Variants in FOXN3 observed in about 807,000 individuals in gnomAD.
The protein encoded by FOXN3 is forkhead box protein N3.
A neutral mutation model predicts 38.4 loss-of-function variants in FOXN3; 7 were observed. That is an observed-to-expected ratio of 0.18 (90% CI 0.10 to 0.34). FOXN3 has a LOEUF of 0.34. Among genes scored for constraint, FOXN3 ranks in the 10% least tolerant of loss-of-function variants. The pLI, the probability that FOXN3 is intolerant of heterozygous loss-of-function variation, is 1.00. For missense variants in FOXN3, 456 were observed against 613.4 expected (o/e 0.74, Z 2.71); for synonymous variants, 230 against 242.2 (o/e 0.95, Z 0.47).
chr14:89,601,601 G>A (rs1001254383), intron 1 of FOXN3, among the ~76,000 whole-genome samples: 8 of 152,154 alleles, frequency 5.3e-5, no homozygotes, highest in African/African-American at 1.9e-4. Context: ...CAATAACCTA[G>A]GGTCTGTTTC....
rs150771148 is a variant in FOXN3, at chr14:89,156,594, G to A, written c.*5820C>T. On this transcript the variant is annotated 3_prime_UTR_variant, in exon 6 of 6. Coordinates refer to ENST00000557258, the MANE Select transcript of FOXN3 (RefSeq NM_005197.4). ...GCCAGCCAAGGTCAGACGACCCTAA[G>A]CATCAATAGTAAACCTCTTGGTCTT... is the stretch of plus-strand genomic sequence containing the variant. 3.0e-3 allele frequency: 447 copies of A among 151,148 alleles called. 1 individual carries two copies. The highest frequency in any genetic ancestry group is 0.01 in the African/African-American group (429 of 41,214). The allele number at this position is 151,148 out of a possible 1,614,324, so 9.4% of individuals were successfully genotyped here.
At chr14:89,352,636 A>G (rs1889025567) in intron 2 of FOXN3, among the ~76,000 whole-genome samples, 1 of 152,226 alleles carries the variant, frequency 6.6e-6, no homozygotes, top group African/African-American at 2.4e-5. Flanking sequence ...CATGGCTGAC[A>G]TGTGACCCAA....
intron 4 of FOXN3, among the ~76,000 whole-genome samples, chr14:89,280,159 C>T (rs935920982): frequency 6.6e-6 from 1 of 152,240 alleles, no homozygotes; most frequent in Non-Finnish European, 1.5e-5. Context: ...CCCCGGGAAC[C>T]ACTCAATTCC....
intron 1 of FOXN3, among the ~76,000 whole-genome samples, chr14:89,423,033 A>G (rs777898882): frequency 6.6e-6 from 1 of 152,250 alleles, no homozygotes; most frequent in Non-Finnish European, 1.5e-5. Flanking sequence ...AATTCCGTCA[A>G]CAAGTAAGCA....
intron 4 of FOXN3, among the ~76,000 whole-genome samples, chr14:89,217,378 A>G (rs908804316): frequency 6.6e-6 from 1 of 152,058 alleles, no homozygotes; most frequent in African/African-American, 2.4e-5. Context: ...GGCTCAAGCA[A>G]TCCTTACTGT....
intron 2 of FOXN3, among the ~76,000 whole-genome samples, chr14:89,371,595 C>T (rs963048853): frequency 2.6e-5 from 4 of 151,986 alleles, no homozygotes; most frequent in Non-Finnish European, 5.9e-5. Flanking sequence ...ATATATTCCA[C>T]CTGCCCCGCA....
intron 1 of FOXN3, among the ~76,000 whole-genome samples, chr14:89,535,439 C>T (rs1422532989): frequency 6.6e-6 from 1 of 152,276 alleles, no homozygotes; most frequent in Non-Finnish European, 1.5e-5. Context: ...AATTATTATT[C>T]TTGAGCTTCC....
chr14:89,435,754 C>T (rs1892261994), intron 1 of FOXN3, among the ~76,000 whole-genome samples: 1 of 152,188 alleles, frequency 6.6e-6, no homozygotes, highest in South Asian at 2.1e-4. Context: ...ACTCTGGCTT[C>T]TGCCAACACC....
intron 1 of FOXN3, among the ~76,000 whole-genome samples, chr14:89,427,799 T>C (rs912984351): frequency 6.6e-6 from 1 of 152,000 alleles, no homozygotes; most frequent in African/African-American, 2.4e-5. Context: ...CTTCTGCTCA[T>C]AGCACATGGC....
At position 89,511,264 on chromosome 14, in the gene FOXN3, T is replaced by TTTCC. The variant is rs1894082390; in HGVS notation, c.-14-98775_-14-98774insGGAA. ...TTTCTTTCTTTTCTTTCTTTCTTTC[T>TTTCC]TTCTTTCTTTCTTTCTTTCTTTCTT... On this transcript the variant is annotated intron_variant, in intron 1 of 6. Coordinates refer to the FOXN3 transcript ENST00000345097. Among the ~76,000 whole-genome samples the TTTCC allele has an allele frequency of 7.4e-5, 2 of 26,918 alleles. 1 individual carries two copies. Among genetic ancestry groups the TTTCC allele is most frequent in the African/African-American group, 1.7e-4 (2 of 11,536 alleles). The allele number at this position is 26,918 out of a possible 152,430, so 17.7% of individuals were successfully genotyped here.
At chr14:89,362,990 G>A (rs936861955) in intron 2 of FOXN3, among the ~76,000 whole-genome samples, 4 of 152,144 alleles carry the variant, frequency 2.6e-5, no homozygotes, top group East Asian at 1.9e-4. Context: ...GGCAGGGTCC[G>A]TTTCCTTAAG....
chr14:89,586,172 G>C (rs1025464366), intron 1 of FOXN3, among the ~76,000 whole-genome samples: 5 of 152,000 alleles, frequency 3.3e-5, no homozygotes, highest in African/African-American at 1.2e-4. Context: ...TGGCATACCG[G>C]ATCAAAAGTA....
At chr14:89,322,498 C>G (rs949076871) in intron 3 of FOXN3, among the ~76,000 whole-genome samples, 1 of 151,988 alleles carries the variant, frequency 6.6e-6, no homozygotes, top group Non-Finnish European at 1.5e-5. Flanking sequence ...TATGCTTGGG[C>G]CACACAAGGA....
chr14:89,444,231 T>C (rs745721286), intron 1 of FOXN3, among the ~76,000 whole-genome samples: 2 of 151,918 alleles, frequency 1.3e-5, no homozygotes, highest in Admixed American at 6.6e-5. Context: ...TATAGAGGAA[T>C]TGAAATTGAA....
intron 3 of FOXN3, chr14:89,291,596 C>T: frequency 1.9e-6 from 1 of 523,760 alleles, no homozygotes; most frequent in South Asian, 1.5e-5. Context: ...GTCTGCCATT[C>T]TGCTTTGCTG....
In FOXN3 at chr14:89,244,871, G is replaced by A. The variant is rs138363478; in HGVS notation, c.745+36079C>T. Among the ~76,000 whole-genome samples the A allele has an allele frequency of 3.4e-3, 522 of 152,288 alleles. 3 individuals carry two copies. The highest frequency in any genetic ancestry group is 0.012 in the African/African-American group (493 of 41,566). ...TTCTTTTTGCACTGGGCACCTGTGC[G>A]TTCATTTCCTTCAACTCATATTAAC... On this transcript the variant is annotated intron_variant, in intron 4 of 5. Coordinates refer to ENST00000557258, the MANE Select transcript of FOXN3 (RefSeq NM_005197.4).
chr14:89,522,430 A>T (rs1450102686), intron 1 of FOXN3, among the ~76,000 whole-genome samples: 1 of 152,220 alleles, frequency 6.6e-6, no homozygotes, highest in African/African-American at 2.4e-5. Flanking sequence ...CAAAAGAATG[A>T]AAAGCACCAG....
At chr14:89,233,169 C>G (rs948523366) in intron 4 of FOXN3, among the ~76,000 whole-genome samples, 1 of 152,150 alleles carries the variant, frequency 6.6e-6, no homozygotes, top group Non-Finnish European at 1.5e-5. Flanking sequence ...TTAAAGCTAC[C>G]AAGATGCTGT....
intron 4 of FOXN3, among the ~76,000 whole-genome samples, chr14:89,276,381 T>C (rs1248910740): frequency 6.6e-6 from 1 of 152,176 alleles, no homozygotes; most frequent in Non-Finnish European, 1.5e-5. Flanking sequence ...GACACAGAGT[T>C]GATAATAATT....
Sources: gnomAD v4.1 joint callset for allele counts (sites outside exome capture counted in the v4.1 genomes callset) on GRCh38, gnomAD v4.1.1 for gene constraint, MANE v1.5 for transcripts, NCBI Gene and HGNC (gene_info 2026-07-23, HGNC 2026-07-21) for gene names.